Variants in TCF4 observed in about 807,000 individuals in gnomAD.
The protein encoded by TCF4 is SL3-3 enhancer factor 2.
In TCF4, 3 loss-of-function variants were observed where a neutral mutation model predicts 82.1. That is an observed-to-expected ratio of 0.04 (90% CI 0.02 to 0.09). The LOEUF (loss-of-function observed/expected upper bound fraction) is 0.09. Among genes scored for constraint, TCF4 ranks in the 10% least tolerant of loss-of-function variants. The pLI, the probability that TCF4 is intolerant of heterozygous loss-of-function variation, is 1.00. For missense variants in TCF4, 518 were observed against 852.7 expected, an observed-to-expected ratio of 0.61 and a Z score of 4.89; for synonymous variants, 276 against 309.6, an observed-to-expected ratio of 0.89 and a Z score of 1.14.
chr18:55,453,983 C>T (rs893614521), intron 5 of TCF4, among the ~76,000 whole-genome samples: 2 of 151,994 alleles, frequency 1.3e-5, no homozygotes, highest in African/African-American at 4.8e-5. Flanking sequence ...CCACCTCAGC[C>T]TCCTGAATGT....
chr18:55,243,588 TTTTG>T (rs59538396), intron 15 of TCF4, among the ~76,000 whole-genome samples: 3,184 of 151,552 alleles, frequency 0.021, 59 homozygotes, highest in Non-Finnish European at 0.033. Context: ...CCAACTCGTT[TTTTG>T]TTTGTTTGTT....
chr18:55,497,770 T>C (rs2096653208), intron 3 of TCF4, among the ~76,000 whole-genome samples: 1 of 152,146 alleles, frequency 6.6e-6, no homozygotes, highest in South Asian at 2.1e-4. Context: ...GGGGGAAAAT[T>C]ATGAGAAGTG....
At chr18:55,494,484 C>T (rs1031582748) in intron 3 of TCF4, among the ~76,000 whole-genome samples, 6 of 152,044 alleles carry the variant, frequency 3.9e-5, no homozygotes, top group Admixed American at 3.9e-4. Flanking sequence ...AAAACTAGCC[C>T]TGATGCATTT....
intron 3 of TCF4, among the ~76,000 whole-genome samples, chr18:55,583,620 C>T (rs560631060): frequency 1.9e-4 from 29 of 152,176 alleles, no homozygotes; most frequent in African/African-American, 7.0e-4. Flanking sequence ...ATTCTAAATG[C>T]ATATTTTCAC....
intron 5 of TCF4, among the ~76,000 whole-genome samples, chr18:55,404,977 A>G (rs1259715515): frequency 1.3e-5 from 2 of 152,262 alleles, no homozygotes; most frequent in East Asian, 3.8e-4. Context: ...TCAATGCCCC[A>G]TATCAGTTTC....
intron 3 of TCF4, among the ~76,000 whole-genome samples, chr18:55,523,101 C>G (rs1444929468): frequency 6.6e-6 from 1 of 151,934 alleles, no homozygotes; most frequent in Non-Finnish European, 1.5e-5. Flanking sequence ...AATGAGAGTT[C>G]AAGTTAGCTA....
chr18:55,385,107 G>A (rs1286949045), intron 6 of TCF4, among the ~76,000 whole-genome samples: 4 of 151,782 alleles, frequency 2.6e-5, no homozygotes, highest in Non-Finnish European at 4.4e-5. Flanking sequence ...GCAGCTGATT[G>A]GAAGTAGAGA....
intron 3 of TCF4, among the ~76,000 whole-genome samples, chr18:55,504,316 T>C (rs2096731070): frequency 6.6e-6 from 1 of 152,208 alleles, no homozygotes; most frequent in African/African-American, 2.4e-5. Context: ...CCCAGCTCCT[T>C]CCTTGAATGC....
At chr18:55,386,637 G>A (rs1010897285) in intron 6 of TCF4, among the ~76,000 whole-genome samples, 1 of 152,144 alleles carries the variant, frequency 6.6e-6, no homozygotes, top group African/African-American at 2.4e-5. Context: ...GCATATCAAG[G>A]AAAAAGAAAT....
At chr18:55,257,043 T>C (rs568523730) in intron 14 of TCF4, among the ~76,000 whole-genome samples, 1 of 152,222 alleles carries the variant, frequency 6.6e-6, no homozygotes, top group South Asian at 2.1e-4. Context: ...GGATCTTTCC[T>C]AGAGATGGGG....
intron 14 of TCF4, 49 bp downstream of exon 14, chr18:55,257,266 G>C: frequency 1.3e-6 from 2 of 1,574,476 alleles, no homozygotes; most frequent in Non-Finnish European, 1.7e-6. Flanking sequence ...GAACAAGAAA[G>C]AACATGACCT....
chr18:55,531,020 C>T (rs1181348443), intron 3 of TCF4, among the ~76,000 whole-genome samples: 1 of 151,632 alleles, frequency 6.6e-6, no homozygotes, highest in Non-Finnish European at 1.5e-5. Flanking sequence ...GGTGTAATCT[C>T]GGCTCAGTGC....
rs951468597 is a variant in TCF4, at chr18:55,326,453, G to GTTC, written c.549+23905_549+23906insGAA. ...AAAATCTCCACCTAAAATAGACTTA[G>GTTC]GTGAAGTCTGCTAAAATGGAAAAAA... On this transcript the variant is annotated intron_variant, in intron 8 of 19. Transcript: ENST00000354452. 3.5e-5 allele frequency among the ~76,000 whole-genome samples: 5 copies of GTTC among 144,494 alleles called. No homozygotes were observed. The East Asian group carries it at 1.0e-3, about 29-fold the overall frequency. The allele number at this position is 144,494 out of a possible 152,430, so 94.8% of individuals were successfully genotyped here. A position where few individuals can be genotyped will look rare whatever the true frequency, so the allele number is the denominator to read the frequency against.
chr18:55,365,418 C>G (rs1301084481), intron 6 of TCF4, among the ~76,000 whole-genome samples: 1 of 151,542 alleles, frequency 6.6e-6, no homozygotes, highest in Non-Finnish European at 1.5e-5. Context: ...GCCTGCATTG[C>G]TGTCGAGTGA....
intron 2 of TCF4, among the ~76,000 whole-genome samples, chr18:55,600,974 A>G (rs1222934977): frequency 6.6e-6 from 1 of 152,190 alleles, no homozygotes; most frequent in Non-Finnish European, 1.5e-5. Flanking sequence ...GTGCCATTTT[A>G]TATCAGGGAC....
At chr18:55,610,851 T>A (rs896375694) in intron 2 of TCF4, among the ~76,000 whole-genome samples, 7 of 152,192 alleles carry the variant, frequency 4.6e-5, no homozygotes, top group African/African-American at 1.7e-4. Context: ...ATATAATTGA[T>A]GAAAATGGAA....
intron 11 of TCF4, chr18:55,265,924 T>C (rs2059070794): frequency 1.3e-5 from 2 of 152,212 alleles, no homozygotes; most frequent in Non-Finnish European, 2.9e-5. Context: ...AGACCACGTA[T>C]TAGAATGCAG....
chr18:55,286,992 G>T (rs566961776), intron 8 of TCF4, among the ~76,000 whole-genome samples: 2 of 152,054 alleles, frequency 1.3e-5, no homozygotes, highest in East Asian at 1.9e-4. Context: ...GTATTTAAAA[G>T]AATTAACTAA....
At chr18:55,579,781 T>C (rs1184139358) in intron 3 of TCF4, among the ~76,000 whole-genome samples, 1 of 152,028 alleles carries the variant, frequency 6.6e-6, no homozygotes. Context: ...ATATAAAATG[T>C]AGTTTACCAT....
Sources: allele counts gnomAD v4.1 joint callset (sites outside exome capture counted in the v4.1 genomes callset), GRCh38; gene constraint gnomAD v4.1.1; transcripts MANE v1.5; gene names NCBI Gene and HGNC (gene_info 2026-07-23, HGNC 2026-07-21).